CSMD1: variants seen among roughly 807,000 people sequenced by gnomAD.
CSMD1 encodes the protein CUB and sushi domain-containing protein 1.
Under a neutral mutation model 417.5 loss-of-function variants are expected in CSMD1, and 213 were observed. The ratio of observed to expected loss-of-function variants is 0.51; its 90% CI spans 0.46 to 0.57. CSMD1 has a LOEUF of 0.57. CSMD1 is among the 20% of genes least tolerant of loss of function. The pLI, the probability that CSMD1 is intolerant of heterozygous loss-of-function variation, is 0.00. For missense variants in CSMD1, 6,923 were observed against 4,529.7 expected (o/e 1.53, Z -15.17); for synonymous variants, 2,862 against 1,736.8 (o/e 1.65, Z -16.11).
intron 54 of CSMD1, among the ~76,000 whole-genome samples, chr8:2,996,066 C>A (rs748230018): frequency 6.6e-6 from 1 of 152,038 alleles, no homozygotes; most frequent in East Asian, 1.9e-4. Flanking sequence ...ACAAAAAGGA[C>A]CTCTCTGTAT....
At chr8:3,159,188 T>C (rs193237154) in intron 38 of CSMD1, among the ~76,000 whole-genome samples, 1 of 152,148 alleles carries the variant, frequency 6.6e-6, no homozygotes, top group Non-Finnish European at 1.5e-5. Context: ...TCTCAAAAAA[T>C]TTTCATCAGA....
chr8:4,858,151 C>A (rs1391119034), intron 1 of CSMD1, among the ~76,000 whole-genome samples: 1 of 149,682 alleles, frequency 6.7e-6, no homozygotes, highest in Admixed American at 6.6e-5. Context: ...TAAACAGAGC[C>A]AAAGACAAAA....
Position 3,801,032 on chromosome 8 carries a change from G to C in CSMD1, c.819-46990C>G, listed in dbSNP as rs182684756. Among the ~76,000 whole-genome samples, 14 of 151,932 alleles carry C rather than the reference G, an allele frequency of 9.2e-5. No individual in the cohort carries two copies. The East Asian group carries it at 2.3e-3, about 25-fold the overall frequency. ...AAAAATATTTGAAAAAAGCAAAAGA[G>C]TAAATCTTTATAACCGTGGTTGAGG... is the stretch of plus-strand genomic sequence containing the variant. On this transcript the variant is annotated intron_variant, in intron 5 of 69. Transcript: ENST00000635120.
At chr8:2,986,174 G>T (rs1480794769) in intron 54 of CSMD1, among the ~76,000 whole-genome samples, 2 of 152,296 alleles carry the variant, frequency 1.3e-5, no homozygotes, top group African/African-American at 4.8e-5. Flanking sequence ...GTAATTGATT[G>T]CCTGACTTTC....
At chr8:4,727,404 G>T (rs961675823) in intron 1 of CSMD1, among the ~76,000 whole-genome samples, 1 of 152,232 alleles carries the variant, frequency 6.6e-6, no homozygotes, top group East Asian at 1.9e-4. Context: ...AACTCCATAA[G>T]TGCACTACCC....
At chr8:3,292,765 C>G (rs971546934) in intron 25 of CSMD1, among the ~76,000 whole-genome samples, 3 of 152,104 alleles carry the variant, frequency 2.0e-5, no homozygotes, top group East Asian at 1.9e-4. Context: ...ACTGATGGGT[C>G]TTGACTTTTT....
intron 1 of CSMD1, among the ~76,000 whole-genome samples, chr8:4,656,024 C>G (rs898441077): frequency 6.6e-6 from 1 of 151,990 alleles, no homozygotes; most frequent in African/African-American, 2.4e-5. Context: ...ACTGCATGCT[C>G]TGTTGGGAGA....
In CSMD1 at chr8:4,265,675, C is replaced by T. The variant is rs531741548; in HGVS notation, c.415+154278G>A. Among the ~76,000 whole-genome samples, 5 of 104,892 alleles carry T rather than the reference C, an allele frequency of 4.8e-5. 2 individuals are homozygous for T. The East Asian group carries it at 7.6e-4, about 16-fold the overall frequency. The allele number at this position is 104,892 out of a possible 152,430, so 68.8% of individuals were successfully genotyped here. A position where few individuals can be genotyped will look rare whatever the true frequency, so the allele number is the denominator to read the frequency against. On this transcript the variant is annotated intron_variant, in intron 3 of 69. Transcript: ENST00000635120. Reference sequence around the variant, plus strand: ...TTCTGTCAGCATTTTGATAAATGATCTGGCTCTGAACAGTATTATTTGACA... The same window carrying T: ...TTCTGTCAGCATTTTGATAAATGATTTGGCTCTGAACAGTATTATTTGACA...
At chr8:3,492,461 A>C (rs1818438222) in intron 11 of CSMD1, among the ~76,000 whole-genome samples, 1 of 152,286 alleles carries the variant, frequency 6.6e-6, no homozygotes, top group African/African-American at 2.4e-5. Flanking sequence ...ACTTTCCATT[A>C]ATGAAAGACG....
At chr8:3,209,614 C>T (rs184934938) in intron 30 of CSMD1, among the ~76,000 whole-genome samples, 1 of 152,204 alleles carries the variant, frequency 6.6e-6, no homozygotes, top group East Asian at 1.9e-4. Context: ...CCACTGCACT[C>T]GGCTATTTAA....
intron 2 of CSMD1, among the ~76,000 whole-genome samples, chr8:4,464,406 G>A (rs143562912): frequency 4.4e-4 from 67 of 152,298 alleles, no homozygotes; most frequent in African/African-American, 1.5e-3. Flanking sequence ...GCAAAACATT[G>A]TAGCTTAGCC....
At chr8:4,604,381 T>TTGTGTGTGCGTGTG (rs1554522666) in intron 2 of CSMD1, among the ~76,000 whole-genome samples, 3 of 91,554 alleles carry the variant, frequency 3.3e-5, no homozygotes, top group African/African-American at 9.7e-5. Context: ...ACAAATAGCA[T>TTGTGTGTGCGTGTG]TGTGTGTGTG....
At chr8:4,680,922 C>T (rs1805999622) in intron 1 of CSMD1, among the ~76,000 whole-genome samples, 1 of 151,090 alleles carries the variant, frequency 6.6e-6, no homozygotes, top group Non-Finnish European at 1.5e-5. Flanking sequence ...CACACACACA[C>T]ACACAAACCC....
intron 5 of CSMD1, among the ~76,000 whole-genome samples, chr8:3,943,211 A>G (rs544647266): frequency 1.3e-5 from 2 of 152,224 alleles, no homozygotes; most frequent in African/African-American, 2.4e-5. Context: ...ATTTTTATCA[A>G]CTGTTTTGAT....
intron 51 of CSMD1, among the ~76,000 whole-genome samples, chr8:3,020,330 G>C (rs1809258027): frequency 6.6e-6 from 1 of 152,166 alleles, no homozygotes; most frequent in Non-Finnish European, 1.5e-5. Context: ...ATTCAAGTGA[G>C]GAAAATAAAG....
chr8:4,625,930 G>C (rs543128286), intron 2 of CSMD1, among the ~76,000 whole-genome samples: 3 of 152,168 alleles, frequency 2.0e-5, no homozygotes, highest in East Asian at 3.9e-4. Flanking sequence ...CACCATGTTG[G>C]CCAGGCTGGT....
At chr8:4,081,984 G>A (rs527240479) in intron 3 of CSMD1, among the ~76,000 whole-genome samples, 3 of 152,022 alleles carry the variant, frequency 2.0e-5, no homozygotes, top group Non-Finnish European at 4.4e-5. Flanking sequence ...TCTGCCTCAG[G>A]AAGTTAATAG....
At position 3,684,609 on chromosome 8, in the gene CSMD1, T is replaced by G. The variant is rs946587135; in HGVS notation, c.1009+23805A>C. On this transcript the variant is annotated intron_variant, in intron 7 of 69. Transcript: ENST00000635120. Reference sequence around the variant, plus strand: ...TACTGATACAGTCTTTTTTTTTTTTTTTTTTTTAGACGGAGTCTCGCTCTC... The same window carrying G: ...TACTGATACAGTCTTTTTTTTTTTTGTTTTTTTAGACGGAGTCTCGCTCTC... Among the ~76,000 whole-genome samples the G allele has an allele frequency of 3.1e-4, 47 of 149,420 alleles. 1 individual carries two copies. Among genetic ancestry groups the G allele is most frequent in the Admixed American group, 2.4e-3 (36 of 15,020 alleles).
Position 4,666,940 on chromosome 8 carries a change from G to C in CSMD1, c.86-29382C>G, listed in dbSNP as rs188202599. 2.9e-3 allele frequency among the ~76,000 whole-genome samples: 447 copies of C among 151,928 alleles called. 3 individuals carry two copies. Among genetic ancestry groups the C allele is most frequent in the African/African-American group, 0.01 (427 of 41,422 alleles). On this transcript the variant is annotated intron_variant, in intron 1 of 69. Transcript: ENST00000635120. ...AAAAAAAAGTTCTTTGCCTCAATTT[G>C]TGAAGCATTTATAAAATTTTTATGT...
Sources: gnomAD v4.1 joint callset for allele counts (sites outside exome capture counted in the v4.1 genomes callset) on GRCh38, gnomAD v4.1.1 for gene constraint, MANE v1.5 for transcripts, NCBI Gene and HGNC (gene_info 2026-07-23, HGNC 2026-07-21) for gene names.